Variants in ANKIB1 observed in about 807,000 individuals in gnomAD.
ANKIB1 encodes the protein ankyrin repeat and IBR domain-containing protein 1.
In ANKIB1, 43 loss-of-function variants were observed where a neutral mutation model predicts 122.1. The ratio of observed to expected loss-of-function variants is 0.35; its 90% CI spans 0.28 to 0.45. The LOEUF (loss-of-function observed/expected upper bound fraction) is 0.45. Ranked by LOEUF, ANKIB1 falls within the 20% of genes least tolerant of loss-of-function variation. ANKIB1 has a pLI of 1.00. For synonymous variants in ANKIB1, 390 were observed against 442.0 expected, an observed-to-expected ratio of 0.88 and a Z score of 1.48; for missense variants, 992 against 1,329.5, an observed-to-expected ratio of 0.75 and a Z score of 3.95.
At chr7:92,262,541 A>G (rs761087270) in intron 1 of ANKIB1, among the ~76,000 whole-genome samples, 6 of 152,214 alleles carry the variant, frequency 3.9e-5, no homozygotes, top group Non-Finnish European at 5.9e-5. Context: ...AGAAATGTTC[A>G]TGAGAAAGTA....
chr7:92,333,668 T>C (rs1304352886), intron 5 of ANKIB1, among the ~76,000 whole-genome samples: 1 of 152,176 alleles, frequency 6.6e-6, no homozygotes, highest in Non-Finnish European at 1.5e-5. Context: ...TTATGTCTGG[T>C]TTTTCCTATC....
chr7:92,324,526 G>A (rs1474364945), intron 4 of ANKIB1, among the ~76,000 whole-genome samples: 1 of 152,182 alleles, frequency 6.6e-6, no homozygotes, highest in Non-Finnish European at 1.5e-5. Flanking sequence ...GAGCCACCAT[G>A]CCTGGCCCCC....
At position 92,343,712 on chromosome 7, in the gene ANKIB1, A is replaced by G. The variant is rs570056058; in HGVS notation, c.996+480A>G. Among the ~76,000 whole-genome samples, 178 of 152,344 alleles carry G rather than the reference A, an allele frequency of 1.2e-3. 1 individual carries two copies. The highest frequency in any genetic ancestry group is 4.0e-3 in the African/African-American group (168 of 41,582). ...ACATCATATTGAAATATAAAAAGAT[A>G]AGTTTGTGATGGGCACTGTAAACCG... On this transcript the variant is annotated intron_variant, in intron 6 of 19. Transcript: ENST00000265742.
intron 1 of ANKIB1, among the ~76,000 whole-genome samples, chr7:92,248,172 C>T (rs1294639259): frequency 2.0e-5 from 3 of 152,130 alleles, no homozygotes; most frequent in Non-Finnish European, 4.4e-5. Context: ...TGTTGATTCT[C>T]TTTTCCTTGG....
intron 10 of ANKIB1, among the ~76,000 whole-genome samples, chr7:92,365,008 A>T (rs1004143727): frequency 1.3e-5 from 2 of 152,218 alleles, no homozygotes; most frequent in African/African-American, 2.4e-5. Flanking sequence ...GTGGAATTTT[A>T]TAAGTGTTCA....
chr7:92,328,218 C>G (rs1319997845), intron 5 of ANKIB1, among the ~76,000 whole-genome samples: 1 of 152,070 alleles, frequency 6.6e-6, no homozygotes, highest in African/African-American at 2.4e-5. Context: ...ATCCATAGTC[C>G]TAGCCCTGGT....
chr7:92,302,539 C>G (rs1261538715), intron 2 of ANKIB1, among the ~76,000 whole-genome samples: 1 of 152,168 alleles, frequency 6.6e-6, no homozygotes. Flanking sequence ...ACAGCTACTG[C>G]TTAATGTATA....
chr7:92,342,532 C>A (rs905316227), intron 5 of ANKIB1, among the ~76,000 whole-genome samples: 3 of 152,086 alleles, frequency 2.0e-5, no homozygotes, highest in Non-Finnish European at 2.9e-5. Context: ...CTAATTTCTT[C>A]GGAAGTTTCT....
intron 1 of ANKIB1, among the ~76,000 whole-genome samples, chr7:92,269,396 G>A (rs553260899): frequency 6.6e-6 from 1 of 152,312 alleles, no homozygotes; most frequent in South Asian, 2.1e-4. Flanking sequence ...TTTGTATTAT[G>A]TTGTGATTTG....
chr7:92,263,397 A>G (rs953111677), intron 1 of ANKIB1, among the ~76,000 whole-genome samples: 1 of 152,216 alleles, frequency 6.6e-6, no homozygotes, highest in African/African-American at 2.4e-5. Flanking sequence ...ATACTGTGTT[A>G]AAAGAGGTAA....
intron 4 of ANKIB1, among the ~76,000 whole-genome samples, chr7:92,324,916 G>C (rs1366973022): frequency 6.6e-6 from 1 of 152,146 alleles, no homozygotes; most frequent in African/African-American, 2.4e-5. Flanking sequence ...CTACACTCTA[G>C]GTGTTTACGT....
In ANKIB1 at chr7:92,246,220, C is replaced by G. The variant is rs1316797577; in HGVS notation, c.-390C>G. The G allele has an allele frequency of 2.7e-6, 1 of 376,974 alleles. No homozygotes were observed. The highest frequency in any genetic ancestry group is 5.0e-6 in the Non-Finnish European group (1 of 198,478). 23.4% of individuals were successfully genotyped at this position (376,974 alleles called of 1,614,324 possible). A position where few individuals can be genotyped will look rare whatever the true frequency, so the allele number is the denominator to read the frequency against. On this transcript the variant is annotated 5_prime_UTR_variant, in exon 1 of 20. Coordinates refer to ENST00000265742, the MANE Select transcript of ANKIB1 (RefSeq NM_019004.2). ...GAGCCACCGCCCCCTCTTCCCCTCC[C>G]CCGAGTGAGGCGGCGCAGCGGCCGG...
At chr7:92,356,504 T>C (rs181928482) in intron 9 of ANKIB1, among the ~76,000 whole-genome samples, 1 of 152,346 alleles carries the variant, frequency 6.6e-6, no homozygotes, top group Admixed American at 6.5e-5. Flanking sequence ...GTGTACTCTC[T>C]GCAGAGTAGC....
At chr7:92,295,371 TTTA>T (rs1214147043) in intron 2 of ANKIB1, among the ~76,000 whole-genome samples, 1 of 152,182 alleles carries the variant, frequency 6.6e-6, no homozygotes. Flanking sequence ...TATCATTTTC[TTTA>T]TTATGATTTA....
At chr7:92,273,904 C>T (rs1302570599) in intron 1 of ANKIB1, among the ~76,000 whole-genome samples, 1 of 151,856 alleles carries the variant, frequency 6.6e-6, no homozygotes, top group East Asian at 1.9e-4. Context: ...TCCTGAGTAG[C>T]AGGTACTGCA....
intron 1 of ANKIB1, among the ~76,000 whole-genome samples, chr7:92,253,055 C>A (rs957954334): frequency 6.6e-6 from 1 of 152,148 alleles, no homozygotes; most frequent in Non-Finnish European, 1.5e-5. Context: ...TATACACACA[C>A]ATAGGCAAAA....
chr7:92,320,705 A>C (rs771136957), intron 4 of ANKIB1, among the ~76,000 whole-genome samples: 1 of 151,904 alleles, frequency 6.6e-6, no homozygotes, highest in Non-Finnish European at 1.5e-5. Context: ...CACCACCTTC[A>C]CTTCTTATCT....
At position 92,392,296 on chromosome 7, in the gene ANKIB1, A is replaced by G; in HGVS notation, c.2283+4A>G. 2 of 1,609,506 alleles carry G rather than the reference A, an allele frequency of 1.2e-6. No homozygotes were observed. Among genetic ancestry groups the G allele is most frequent in the Non-Finnish European group, 1.7e-6 (2 of 1,177,554 alleles). On this transcript the variant is annotated splice_donor_region_variant and intron_variant, in intron 17 of 19. Transcript: ENST00000265742. Reference sequence around the variant, plus strand: ...TTTAGGATTTGCATCACCAGAGGTAATTGTTTTATGGGGTTTTTGTTTTTG... The same window carrying G: ...TTTAGGATTTGCATCACCAGAGGTAGTTGTTTTATGGGGTTTTTGTTTTTG...
At chr7:92,343,267 T>G (rs778976895) in intron 6 of ANKIB1, 35 bp downstream of exon 6, 31 of 1,551,298 alleles carry the variant, frequency 2.0e-5, no homozygotes, top group Admixed American at 1.8e-5. Flanking sequence ...TCTCATAGCT[T>G]TGTTTATAGT....
Sources: gnomAD v4.1 joint callset for allele counts (sites outside exome capture counted in the v4.1 genomes callset) on GRCh38, gnomAD v4.1.1 for gene constraint, MANE v1.5 for transcripts, NCBI Gene and HGNC (gene_info 2026-07-23, HGNC 2026-07-21) for gene names.